ACACA: variants seen among roughly 807,000 people sequenced by gnomAD.
ACACA encodes acetyl-CoA carboxylase 1.
A neutral mutation model predicts 296.1 loss-of-function variants in ACACA; 103 were observed. That is an observed-to-expected ratio of 0.35 (90% CI 0.30 to 0.41). The LOEUF (loss-of-function observed/expected upper bound fraction) is 0.41, where lower values mean the gene tolerates loss of function less well. Ranked by LOEUF, ACACA falls within the 10% of genes least tolerant of loss-of-function variation. The pLI is 1.00. For synonymous variants in ACACA, 953 were observed against 1,038.6 expected (o/e 0.92, Z 1.58); for missense variants, 1,554 against 2,989.7 (o/e 0.52, Z 11.20).
At chr17:37,174,008 ATATATATATATATTT>A (rs1319801225) in intron 41 of ACACA, among the ~76,000 whole-genome samples, 2 of 12,478 alleles carry the variant, frequency 1.6e-4, no homozygotes, top group Non-Finnish European at 2.5e-4. Context: ...ATATATATAT[ATATATATATATATTT>A]TTTTTTTTTT....
intron 12 of ACACA, 25 bp downstream of exon 12, chr17:37,259,335 T>A (rs760978652): frequency 5.0e-6 from 8 of 1,613,908 alleles, no homozygotes; most frequent in Non-Finnish European, 6.8e-6. Flanking sequence ...TTCTAGGCTC[T>A]GCAACCCAGA....
At chr17:37,130,693 T>C (rs2075050075) in intron 45 of ACACA, among the ~76,000 whole-genome samples, 1 of 152,058 alleles carries the variant, frequency 6.6e-6, no homozygotes, top group Non-Finnish European at 1.5e-5. Flanking sequence ...AGGCAAAGCA[T>C]ACTTCCACCC....
At chr17:37,403,062 T>C (rs889191926) in intron 1 of ACACA, among the ~76,000 whole-genome samples, 3 of 152,224 alleles carry the variant, frequency 2.0e-5, no homozygotes, top group Non-Finnish European at 4.4e-5. Context: ...AAGACAACAG[T>C]GTCTGTCCTC....
At chr17:37,337,780 T>C (rs978744040) in intron 2 of ACACA, among the ~76,000 whole-genome samples, 3 of 152,018 alleles carry the variant, frequency 2.0e-5, no homozygotes, top group African/African-American at 7.2e-5. Context: ...GAACTGGAGA[T>C]TACTTTAGCT....
chr17:37,310,619 C>A (rs1435852972), intron 3 of ACACA, among the ~76,000 whole-genome samples: 1 of 151,504 alleles, frequency 6.6e-6, no homozygotes, highest in Non-Finnish European at 1.5e-5. Flanking sequence ...CATGGTGAAA[C>A]CCTGTCTCTA....
intron 10 of ACACA, among the ~76,000 whole-genome samples, chr17:37,268,761 A>G (rs2081933144): frequency 6.9e-6 from 1 of 145,078 alleles, no homozygotes; most frequent in Non-Finnish European, 1.5e-5. Context: ...ATATATATAT[A>G]TATATATCTG....
At chr17:37,253,252 C>T (rs897220512) in intron 14 of ACACA, among the ~76,000 whole-genome samples, 7 of 151,950 alleles carry the variant, frequency 4.6e-5, no homozygotes, top group Non-Finnish European at 7.4e-5. Context: ...ATTAGCCAGG[C>T]GTGGTGGCGG....
chr17:37,134,159 A>AC (rs2075232218), intron 45 of ACACA, among the ~76,000 whole-genome samples: 1 of 152,236 alleles, frequency 6.6e-6, no homozygotes, highest in Non-Finnish European at 1.5e-5. Context: ...ATGCAGTCAT[A>AC]CGTCCATGCT....
chr17:37,311,065 C>G (rs1179634806), intron 3 of ACACA, among the ~76,000 whole-genome samples: 1 of 152,144 alleles, frequency 6.6e-6, no homozygotes, highest in Non-Finnish European at 1.5e-5. Flanking sequence ...AACTGAAAAG[C>G]ATCCACTGAT....
At chr17:37,242,304 C>T (rs1231021492) in intron 22 of ACACA, among the ~76,000 whole-genome samples, 1 of 152,124 alleles carries the variant, frequency 6.6e-6, no homozygotes, top group Non-Finnish European at 1.5e-5. Flanking sequence ...TATCATCTTA[C>T]CAATATCTGT....
At chr17:37,293,342 T>A (rs1452770361) in intron 3 of ACACA, among the ~76,000 whole-genome samples, 1 of 152,172 alleles carries the variant, frequency 6.6e-6, no homozygotes, top group East Asian at 1.9e-4. Flanking sequence ...AATTATGTGT[T>A]AACTAGAATT....
At chr17:37,261,038 C>G (rs1326023958) in intron 11 of ACACA, among the ~76,000 whole-genome samples, 1 of 152,082 alleles carries the variant, frequency 6.6e-6, no homozygotes, top group Non-Finnish European at 1.5e-5. Context: ...AGCAGAGAAA[C>G]AGATACTGCA....
rs1289696084 is a variant in ACACA, at chr17:37,406,258, A to G, written c.38+4T>C. On this transcript the variant is annotated splice_donor_region_variant and intron_variant, in intron 1 of 55. Coordinates refer to ENST00000616317, the MANE Select transcript of ACACA (RefSeq NM_198834.3). ...CAGCAGTAATAAGAGATCTTGGGAC[A>G]TACCTAGCCCTCAAGATTGACATCA... 20 of 1,613,982 alleles carry G rather than the reference A, an allele frequency of 1.2e-5. No homozygotes were observed. Among genetic ancestry groups the G allele is most frequent in the Non-Finnish European group, 1.5e-5 (18 of 1,179,940 alleles).
At position 37,270,755 on chromosome 17, in the gene ACACA, C is replaced by A. The variant is rs1345720590; in HGVS notation, c.1115G>T (p.Arg372Ile). 1.2e-6 allele frequency: 2 copies of A among 1,610,242 alleles called. No individual in the cohort carries two copies. Among genetic ancestry groups the A allele is most frequent in the Non-Finnish European group, 1.7e-6 (2 of 1,176,534 alleles). ...CAAAAACAGCTTATACTCTACCTGT[C>A]TGAAGAGATTAGGGAAGTCATCTGC... is the stretch of plus-strand genomic sequence containing the variant. ...NNADDFPNLF[R>I]QVQAEVPGSP... The change falls in exon 10 of 56, where the codon AGA becomes ATA. Residue 372 changes from arginine (R) to isoleucine (I), a missense_variant. Physicochemically the swap from Arg to Ile is moderately conservative, Grantham distance 97 (BLOSUM62 -3). Transcript: ENST00000616317.
rs771621569 is a variant in ACACA, at chr17:37,330,318, T to A, written c.193A>T (p.Asn65Tyr). ...AGGTTGCTGATCTCATCCTCTGAGT[T>A]ATCTTCAGACACAGAACCTATTATG... is the stretch of plus-strand genomic sequence containing the variant. ...RFIIGSVSED[N>Y]SEDEISNLVK... is the part of the protein sequence containing the mutation. Residue 65 changes from asparagine (N) to tyrosine (Y), a missense_variant, in exon 3 of 56, where the codon AAC becomes TAC. Asn to Tyr is a moderately radical substitution (Grantham distance 143). Coordinates refer to ENST00000616317, the MANE Select transcript of ACACA (RefSeq NM_198834.3). 3 of 1,614,114 alleles carry A rather than the reference T, an allele frequency of 1.9e-6. No individual in the cohort carries two copies. Among genetic ancestry groups the A allele is most frequent in the East Asian group, 4.5e-5 (2 of 44,904 alleles).
rs1458704175 is a variant in ACACA at position 37,260,283 on chromosome 17, TATATA to T, written c.1330-758_1330-754del. On this transcript the variant is annotated intron_variant, in intron 11 of 55. Coordinates refer to ENST00000616317, the MANE Select transcript of ACACA (RefSeq NM_198834.3). Reference sequence around the variant, plus strand: ...ATATATATATATATATATATATATATATATATATATATATTTTTTTTTTTTTTTTT... The same window carrying T: ...ATATATATATATATATATATATATATTATATATATTTTTTTTTTTTTTTTT... Among the ~76,000 whole-genome samples the T allele has an allele frequency of 8.4e-3, 326 of 38,814 alleles. 30 individuals carry two copies. The highest frequency in any genetic ancestry group is 0.035 in the East Asian group (24 of 680). 25.5% of individuals were successfully genotyped at this position (38,814 alleles called of 152,430 possible).
intron 3 of ACACA, among the ~76,000 whole-genome samples, chr17:37,301,761 C>T (rs2083629405): frequency 6.6e-6 from 1 of 152,154 alleles, no homozygotes; most frequent in African/African-American, 2.4e-5. Flanking sequence ...ACTTCACATT[C>T]CCTTTTCAAA....
intron 30 of ACACA, 126 bp from the exon 31 acceptor site, chr17:37,207,926 T>G (rs2078580976): frequency 2.8e-6 from 3 of 1,089,268 alleles, no homozygotes; most frequent in East Asian, 4.8e-5. Context: ...GCAGATTTGG[T>G]TTTTTTACCC....
At position 37,269,943 on chromosome 17, in the gene ACACA, A is replaced by C. The variant is rs140640813; in HGVS notation, c.1119+808T>G. Among the ~76,000 whole-genome samples the C allele has an allele frequency of 6.2e-3, 937 of 152,284 alleles. 8 individuals are homozygous for C. The highest frequency in any genetic ancestry group is 0.021 in the African/African-American group (878 of 41,560). ...ACTATGTATTGGTAGGAGGAAAAAA[A>C]GTGAGTTAAATATGTGAGGGTAACT... On this transcript the variant is annotated intron_variant, in intron 10 of 55. Coordinates refer to ENST00000616317, the MANE Select transcript of ACACA (RefSeq NM_198834.3).
Sources: gnomAD v4.1 joint callset for allele counts (sites outside exome capture counted in the v4.1 genomes callset) on GRCh38, gnomAD v4.1.1 for gene constraint, MANE v1.5 for transcripts, NCBI Gene and HGNC (gene_info 2026-07-23, HGNC 2026-07-21) for gene names.